STPG2: variants seen among roughly 807,000 people sequenced by gnomAD.
STPG2 encodes the protein sperm-tail PG-rich repeat-containing protein 2.
Under a neutral mutation model 54.2 loss-of-function variants are expected in STPG2, and 56 were observed. That is an observed-to-expected ratio of 1.03 (90% CI 0.83 to 1.29). The LOEUF (loss-of-function observed/expected upper bound fraction) is 1.29, where lower values mean the gene tolerates loss of function less well. STPG2 is among the 50% of genes most tolerant of loss of function. STPG2 has a pLI of 0.00. For synonymous variants in STPG2, 200 were observed against 181.8 expected, an observed-to-expected ratio of 1.10 and a Z score of -0.81; for missense variants, 596 against 544.9, an observed-to-expected ratio of 1.09 and a Z score of -0.93.
chr4:97,638,821 C>T (rs1413343066), intron 10 of STPG2, among the ~76,000 whole-genome samples: 1 of 143,590 alleles, frequency 7.0e-6, no homozygotes, highest in Non-Finnish European at 1.5e-5. Context: ...GTTAGAATGG[C>T]AATCATTAAA....
chr4:97,479,735 C>G (rs1730171384), intron 4 of STPG2, among the ~76,000 whole-genome samples: 2 of 151,764 alleles, frequency 1.3e-5, no homozygotes. Context: ...GACAGAATAA[C>G]AAAGACAAAA....
intron 4 of STPG2, among the ~76,000 whole-genome samples, chr4:97,533,720 C>T (rs1578368154): frequency 6.6e-6 from 1 of 151,922 alleles, no homozygotes; most frequent in Non-Finnish European, 1.5e-5. Flanking sequence ...TCAATAAGTT[C>T]TTTTTATTGC....
At chr4:97,454,519 C>CAAAAAAAAAA (rs10564687) in intron 4 of STPG2, among the ~76,000 whole-genome samples, 2 of 43,694 alleles carry the variant, frequency 4.6e-5, no homozygotes, top group Non-Finnish European at 1.5e-4. Flanking sequence ...GACTCCGTCT[C>CAAAAAAAAAA]AAAAAAAAAA....
At chr4:97,574,611 G>A (rs905196321) in intron 10 of STPG2, among the ~76,000 whole-genome samples, 2 of 152,004 alleles carry the variant, frequency 1.3e-5, no homozygotes, top group Non-Finnish European at 2.9e-5. Flanking sequence ...TAGGAGAAGA[G>A]AGGGATTACA....
chr4:98,022,659 C>G (rs1362876016), intron 5 of STPG2, among the ~76,000 whole-genome samples: 1 of 152,162 alleles, frequency 6.6e-6, no homozygotes, highest in African/African-American at 2.4e-5. Context: ...GTACATCAAT[C>G]AGACGTAGAT....
intron 5 of STPG2, among the ~76,000 whole-genome samples, chr4:97,985,041 T>C (rs1220104815): frequency 7.6e-6 from 1 of 131,782 alleles, no homozygotes; most frequent in Admixed American, 7.3e-5. Context: ...CCTATCTTTT[T>C]TAAACAAAAA....
intron 5 of STPG2, among the ~76,000 whole-genome samples, chr4:98,082,601 G>A (rs35091710): frequency 0.28 from 41,323 of 149,954 alleles, 5,951 homozygotes; most frequent in Middle Eastern, 0.36. Flanking sequence ...ACAGGCGCCC[G>A]CCACTACACC....
At chr4:97,489,131 TCTTTGC>T (rs759184579) in intron 4 of STPG2, among the ~76,000 whole-genome samples, 16 of 151,730 alleles carry the variant, frequency 1.1e-4, no homozygotes, top group Non-Finnish European at 2.1e-4. Context: ...GAGCTCTCTC[TCTTTGC>T]CTGGGGTCAT....
intron 5 of STPG2, among the ~76,000 whole-genome samples, chr4:97,985,902 G>A (rs1043808732): frequency 6.6e-6 from 1 of 151,940 alleles, no homozygotes; most frequent in Admixed American, 6.6e-5. Flanking sequence ...ACACATACAC[G>A]CACATGCATG....
chr4:97,567,766 T>A (rs922659688), intron 10 of STPG2, among the ~76,000 whole-genome samples: 1 of 151,918 alleles, frequency 6.6e-6, no homozygotes, highest in Non-Finnish European at 1.5e-5. Context: ...ATAGATAAAA[T>A]AAAGAATAAA....
chr4:97,867,072 T>C (rs555654081), intron 8 of STPG2, among the ~76,000 whole-genome samples: 1 of 152,094 alleles, frequency 6.6e-6, no homozygotes, highest in South Asian at 2.1e-4. Flanking sequence ...TAGCTTTGGG[T>C]GCATTCCTGA....
intron 10 of STPG2, among the ~76,000 whole-genome samples, chr4:97,630,923 G>C (rs1421609094): frequency 6.6e-6 from 1 of 151,708 alleles, no homozygotes; most frequent in Non-Finnish European, 1.5e-5. Context: ...TTATAAAATG[G>C]ACTATATAAA....
At chr4:98,136,005 A>G (rs1266841068) in intron 1 of STPG2, among the ~76,000 whole-genome samples, 1 of 151,778 alleles carries the variant, frequency 6.6e-6, no homozygotes, top group Non-Finnish European at 1.5e-5. Context: ...AAGAGGAGAA[A>G]AGTCAATGAA....
chr4:97,737,472 A>G (rs936172590), intron 9 of STPG2, among the ~76,000 whole-genome samples: 1 of 152,204 alleles, frequency 6.6e-6, no homozygotes, highest in Non-Finnish European at 1.5e-5. Context: ...AAAAAAATTT[A>G]GACGAATGTA....
intron 6 of STPG2, among the ~76,000 whole-genome samples, chr4:97,978,427 CAT>C (rs1446088233): frequency 2.0e-5 from 3 of 152,188 alleles, no homozygotes; most frequent in Admixed American, 6.5e-5. Context: ...CCAAATACCA[CAT>C]GTTTGCACTT....
At chr4:97,555,077 T>A (rs1406464863), downstream of STPG2, among the ~76,000 whole-genome samples, 1 of 152,162 alleles carries the variant, frequency 6.6e-6, no homozygotes, top group Non-Finnish European at 1.5e-5. Flanking sequence ...AGCCTCTTAA[T>A]CAAAGGAGAA....
intron 8 of STPG2, among the ~76,000 whole-genome samples, chr4:97,875,064 G>A (rs1043437956): frequency 4.0e-5 from 6 of 151,892 alleles, no homozygotes; most frequent in African/African-American, 1.2e-4. Flanking sequence ...GGATATGCTA[G>A]TCTGTTGATC....
chr4:97,994,120 C>A (rs1369514284), intron 5 of STPG2, among the ~76,000 whole-genome samples: 1 of 151,620 alleles, frequency 6.6e-6, no homozygotes, highest in South Asian at 2.1e-4. Flanking sequence ...ATTTTTGTTA[C>A]TTCTTTTCTT....
At chr4:97,637,709 A>G (rs1179624553) in intron 10 of STPG2, among the ~76,000 whole-genome samples, 1 of 152,230 alleles carries the variant, frequency 6.6e-6, no homozygotes, top group African/African-American at 2.4e-5. Context: ...ACAAACAAAC[A>G]GAGAGCCAAA....
Sources: allele counts gnomAD v4.1 joint callset (sites outside exome capture counted in the v4.1 genomes callset), GRCh38; gene constraint gnomAD v4.1.1; transcripts MANE v1.5; gene names NCBI Gene and HGNC (gene_info 2026-07-23, HGNC 2026-07-21).